ENAH: variants seen among roughly 807,000 people sequenced by gnomAD.
ENAH encodes ENAH actin regulator, also known as protein enabled homolog.
A neutral mutation model predicts 78.7 loss-of-function variants in ENAH; 23 were observed. The ratio of observed to expected loss-of-function variants is 0.29; its 90% CI spans 0.21 to 0.41. The LOEUF (loss-of-function observed/expected upper bound fraction) is 0.41. Ranked by LOEUF, ENAH falls within the 10% of genes least tolerant of loss-of-function variation. The pLI is 1.00. For missense variants in ENAH, 544 were observed against 691.0 expected (o/e 0.79, Z 2.39); for synonymous variants, 226 against 241.0 (o/e 0.94, Z 0.58).
intron 5 of ENAH, chr1:225,517,690 T>A: frequency 6.4e-7 from 1 of 1,550,872 alleles, no homozygotes; most frequent in Non-Finnish European, 8.7e-7. Flanking sequence ...AGAGGGTGTG[T>A]TCACAGGAGA....
chr1:225,553,296 C>T (rs1373492940), intron 3 of ENAH, among the ~76,000 whole-genome samples: 1 of 152,104 alleles, frequency 6.6e-6, no homozygotes, highest in Non-Finnish European at 1.5e-5. Flanking sequence ...TTGAGAGAAA[C>T]AATCCTTTCC....
chr1:225,642,253 T>C (rs1471233058), intron 1 of ENAH, among the ~76,000 whole-genome samples: 2 of 151,472 alleles, frequency 1.3e-5, no homozygotes, highest in Non-Finnish European at 2.9e-5. Flanking sequence ...AAGTTTACAT[T>C]ATGACCACCA....
chr1:225,542,703 T>C (rs149186518), intron 3 of ENAH, among the ~76,000 whole-genome samples: 2 of 152,352 alleles, frequency 1.3e-5, no homozygotes, highest in African/African-American at 4.8e-5. Context: ...AAACTGGGTT[T>C]GTCTCACATG....
chr1:225,490,253 T>G lies in ENAH; in HGVS notation c.*7522A>C, dbSNP rs184494668. ...GGCAAAGACATGGACTCAATAACAA[T>G]TTTTACCATGTTTTCTTTCAGAAAC... On this transcript the variant is annotated 3_prime_UTR_variant, in exon 14 of 14. Transcript: ENST00000366843. 2 of 152,224 alleles carry G rather than the reference T, an allele frequency of 1.3e-5. No individual in the cohort carries two copies. Among genetic ancestry groups the G allele is most frequent in the Admixed American group, 6.5e-5 (1 of 15,298 alleles). 9.4% of individuals were successfully genotyped at this position (152,224 alleles called of 1,614,324 possible). A position where few individuals can be genotyped will look rare whatever the true frequency, so the allele number is the denominator to read the frequency against.
At chr1:225,559,571 G>A (rs940041648) in intron 2 of ENAH, among the ~76,000 whole-genome samples, 2 of 152,110 alleles carry the variant, frequency 1.3e-5, no homozygotes, top group African/African-American at 4.8e-5. Flanking sequence ...GTTCCAAAAT[G>A]GCAGCGCAGA....
rs1200429565 is a variant in ENAH at position 225,641,228 on chromosome 1, G to A, written c.5+11458C>T. On this transcript the variant is annotated intron_variant, in intron 1 of 13. Coordinates refer to ENST00000366843, the MANE Select transcript of ENAH (RefSeq NM_018212.6). ...AAAAATGAGAACAAATGTACTTAAC[G>A]ATAAAAAAGAAAGCTAAAAGCATAT... 5.3e-5 allele frequency among the ~76,000 whole-genome samples: 8 copies of A among 151,668 alleles called. No individual in the cohort carries two copies. The Middle Eastern group carries it at 0.01, about 195-fold the overall frequency.
chr1:225,533,036 G>T (rs2096545553), intron 3 of ENAH, among the ~76,000 whole-genome samples: 1 of 151,786 alleles, frequency 6.6e-6, no homozygotes, highest in Admixed American at 6.6e-5. Flanking sequence ...ACTCCCTTTG[G>T]CACTTTTTCA....
Position 225,530,571 on chromosome 1 carries a change from T to C in ENAH, c.417A>G (p.Glu139=). 2 of 1,613,192 alleles carry C rather than the reference T, an allele frequency of 1.2e-6. No individual in the cohort carries two copies. The highest frequency in any genetic ancestry group is 1.3e-5 in the African/African-American group (1 of 75,012). ...AQVQNGPSQE[E]LEIQRRQLQE... ...AAATTTACCTTCTTTGAATTTCCAA[T>C]TCTTCTTGGGATGGGCCATTTTGAA... Residue 139 remains glutamate, a synonymous_variant, in exon 4 of 14, where the codon GAA becomes GAG. Transcript: ENST00000366843.
At chr1:225,605,946 T>C (rs971748952) in intron 1 of ENAH, among the ~76,000 whole-genome samples, 3 of 152,164 alleles carry the variant, frequency 2.0e-5, no homozygotes, top group African/African-American at 7.2e-5. Flanking sequence ...ACTGGGTCTG[T>C]GGTATTTTGT....
intron 1 of ENAH, among the ~76,000 whole-genome samples, chr1:225,611,385 C>A (rs891709762): frequency 3.3e-5 from 5 of 152,120 alleles, no homozygotes; most frequent in African/African-American, 1.2e-4. Flanking sequence ...GTGGCGCGAT[C>A]TCTGGTCACT....
intron 1 of ENAH, among the ~76,000 whole-genome samples, chr1:225,599,796 T>TAAAA (rs34052384): frequency 0.032 from 2,664 of 82,844 alleles, 57 homozygotes; most frequent in South Asian, 0.055. Flanking sequence ...GACTCCGTCT[T>TAAAA]AAAAAAAAAA....
At chr1:225,624,652 T>C (rs1657617306) in intron 1 of ENAH, among the ~76,000 whole-genome samples, 1 of 151,786 alleles carries the variant, frequency 6.6e-6, no homozygotes, top group African/African-American at 2.4e-5. Context: ...AATAAATAAA[T>C]AAATAAATAT....
At chr1:225,653,262 C>A (rs1259848312), upstream of ENAH, 2 of 150,608 alleles carry the variant, frequency 1.3e-5, no homozygotes, top group African/African-American at 2.4e-5. The surrounding 1 kb of genome is among the most constrained non-coding windows in gnomAD (Gnocchi z 4.3). Flanking sequence ...GGGGGCCGGG[C>A]GCACTCCCCC....
chr1:225,633,664 A>G (rs1659529385), intron 1 of ENAH, among the ~76,000 whole-genome samples: 1 of 152,202 alleles, frequency 6.6e-6, no homozygotes, highest in African/African-American at 2.4e-5. Flanking sequence ...CATGAATCTC[A>G]TGGCTTATTC....
At chr1:225,638,725 T>G (rs1002309428) in intron 1 of ENAH, among the ~76,000 whole-genome samples, 9 of 152,152 alleles carry the variant, frequency 5.9e-5, no homozygotes, top group African/African-American at 2.2e-4. Flanking sequence ...TGATCAAATC[T>G]AAATTTCATA....
chr1:225,516,106 T>A (rs992400304), intron 6 of ENAH, among the ~76,000 whole-genome samples: 3 of 152,210 alleles, frequency 2.0e-5, no homozygotes, highest in Non-Finnish European at 4.4e-5. Context: ...CTTATTTACT[T>A]ACAGAACCAG....
Position 225,519,472 on chromosome 1 carries a change from T to TAACCTCTCTCTCTCC in ENAH, c.513_527dup (p.Arg183_Glu187dup). 1 of 1,611,172 alleles carries TAACCTCTCTCTCTCC rather than the reference T, an allele frequency of 6.2e-7. No individual in the cohort carries two copies. Among genetic ancestry groups the TAACCTCTCTCTCTCC allele is most frequent in the South Asian group, 1.1e-5 (1 of 90,940 alleles). On this transcript the variant is annotated inframe_insertion, in exon 5 of 14. Coordinates refer to ENST00000366843, the MANE Select transcript of ENAH (RefSeq NM_018212.6). ...GCTCCCTCTCCAGCCTTTCCCTTTC[T>TAACCTCTCTCTCTCC]AACCTCTCTCTCTCCAACCTTTCTC...
At chr1:225,621,068 T>G (rs529320483) in intron 1 of ENAH, among the ~76,000 whole-genome samples, 1 of 152,268 alleles carries the variant, frequency 6.6e-6, no homozygotes, top group Non-Finnish European at 1.5e-5. Flanking sequence ...TTCCTTATGG[T>G]GATATACTAT....
intron 1 of ENAH, among the ~76,000 whole-genome samples, chr1:225,587,720 G>A (rs896837734): frequency 6.6e-6 from 1 of 152,078 alleles, no homozygotes; most frequent in African/African-American, 2.4e-5. Flanking sequence ...AAAGAATAAT[G>A]ATAGAAGACT....
Sources: gnomAD v4.1 joint callset for allele counts (sites outside exome capture counted in the v4.1 genomes callset) on GRCh38, gnomAD v4.1.1 for gene constraint, Gnocchi (gnomAD v3.1) non-coding constraint, MANE v1.5 for transcripts, NCBI Gene and HGNC (gene_info 2026-07-23, HGNC 2026-07-21) for gene names.